Variants in ALX4 observed in about 807,000 individuals in gnomAD.
The protein encoded by ALX4 is ALX homeobox 4, also known as homeobox protein aristaless-like 4.
Under a neutral mutation model 40.6 loss-of-function variants are expected in ALX4, and 22 were observed. That is an observed-to-expected ratio of 0.54 (90% confidence interval 0.39 to 0.77). ALX4 has a LOEUF of 0.77. ALX4 is among the 30% of genes least tolerant of loss of function. The pLI, the probability that ALX4 is intolerant of heterozygous loss-of-function variation, is 0.00. For synonymous variants in ALX4, 266 were observed against 240.5 expected (o/e 1.11, Z -0.98); for missense variants, 556 against 564.8 (o/e 0.98, Z 0.16).
At position 44,264,802 on chromosome 11, in the gene ALX4, C is replaced by T; in HGVS notation, c.*52G>A. On this transcript the variant is annotated 3_prime_UTR_variant, in exon 4 of 4. Transcript: ENST00000652299. Reference sequence around the variant, plus strand: ...AGTGGGAGGCTGGGGGCCTGGAAAACATGGGCGTGGCCCATGGTGTCCCGA... The same window carrying T: ...AGTGGGAGGCTGGGGGCCTGGAAAATATGGGCGTGGCCCATGGTGTCCCGA... The T allele has an allele frequency of 1.3e-6, 2 of 1,597,552 alleles. No homozygotes were observed. Among genetic ancestry groups the T allele is most frequent in the African/African-American group, 1.3e-5 (1 of 74,758 alleles).
chr11:44,291,875 T>C (rs1244285949), intron 1 of ALX4, among the ~76,000 whole-genome samples: 1 of 152,024 alleles, frequency 6.6e-6, no homozygotes, highest in African/African-American at 2.4e-5. Context: ...CTGGAGTGCA[T>C]TGATGCCATC....
intron 1 of ALX4, among the ~76,000 whole-genome samples, chr11:44,291,410 C>CTTTTT (rs1565006737): frequency 1.4e-5 from 1 of 69,250 alleles, no homozygotes; most frequent in Non-Finnish European, 3.3e-5. Context: ...TTCTTTCTTT[C>CTTTTT]TTTCTTTCTT....
intron 1 of ALX4, among the ~76,000 whole-genome samples, chr11:44,278,608 C>T (rs1165545931): frequency 1.3e-5 from 2 of 152,184 alleles, no homozygotes; most frequent in African/African-American, 4.8e-5. Flanking sequence ...CTCCAGCTGC[C>T]CACTGAGACC....
chr11:44,294,533 G>T (rs1203580227), intron 1 of ALX4, among the ~76,000 whole-genome samples: 1 of 152,190 alleles, frequency 6.6e-6, no homozygotes, highest in Non-Finnish European at 1.5e-5. Context: ...GAGGGGCCTG[G>T]GTGGCCTTTG....
chr11:44,304,001 C>T (rs534966361), intron 1 of ALX4, among the ~76,000 whole-genome samples: 2 of 152,196 alleles, frequency 1.3e-5, no homozygotes, highest in African/African-American at 4.8e-5. Flanking sequence ...GAGAAGACCC[C>T]GGTTGCAGCT....
At chr11:44,268,927 C>T (rs995420331) in intron 2 of ALX4, among the ~76,000 whole-genome samples, 96 of 152,246 alleles carry the variant, frequency 6.3e-4, no homozygotes, top group Non-Finnish European at 3.7e-4. Flanking sequence ...GCCTCAGCTG[C>T]AGAGCCATAA....
chr11:44,277,922 C>T (rs897224115), intron 1 of ALX4, among the ~76,000 whole-genome samples: 1 of 152,132 alleles, frequency 6.6e-6, no homozygotes, highest in African/African-American at 2.4e-5. Flanking sequence ...TCAGTGACAA[C>T]ATTCTGCAAA....
chr11:44,305,974 C>T (rs998569382), intron 1 of ALX4, among the ~76,000 whole-genome samples: 3 of 152,220 alleles, frequency 2.0e-5, no homozygotes, highest in East Asian at 1.9e-4. Context: ...GGCGAGGCGC[C>T]GGAGTCCCTG....
Position 44,267,449 on chromosome 11 carries a change from A to G in ALX4, c.906+45T>C, listed in dbSNP as rs574608293. The G allele has an allele frequency of 1.4e-5, 22 of 1,610,660 alleles. No homozygotes were observed. In the South Asian group the frequency reaches 2.0e-4, roughly 14 times the overall value. ...CCTCCAAGGGGCTCATTCTCAGAGC[A>G]CCAGGGGCTGGGGATCGGTGGCGGC... On this transcript the variant is annotated intron_variant, in intron 3 of 3. Transcript: ENST00000652299.
intron 1 of ALX4, among the ~76,000 whole-genome samples, chr11:44,306,523 A>T (rs1956469578): frequency 6.6e-6 from 1 of 152,256 alleles, no homozygotes. Context: ...CACACGTGAA[A>T]GAACAGCTTT....
intron 1 of ALX4, among the ~76,000 whole-genome samples, chr11:44,291,110 C>T (rs556506773): frequency 4.1e-4 from 63 of 152,310 alleles, no homozygotes; most frequent in African/African-American, 1.5e-3. Context: ...TCAAAAGTAG[C>T]TCCCAGGGTC....
At position 44,260,604 on chromosome 11, in the gene ALX4, A is replaced by G. The variant is rs1290880190; in HGVS notation, c.*4250T>C. 6.6e-6 allele frequency: 1 copy of G among 152,198 alleles called. No homozygotes were observed. Among genetic ancestry groups the G allele is most frequent in the Non-Finnish European group, 1.5e-5 (1 of 68,048 alleles). The allele number at this position is 152,198 out of a possible 1,614,324, so 9.4% of individuals were successfully genotyped here. On this transcript the variant is annotated 3_prime_UTR_variant, in exon 4 of 4. Transcript: ENST00000652299. ...CCATCCGTGTTCCTCCTCTCCCAAA[A>G]AAGATGTAAGTGCAATAACTTACTT... is the stretch of plus-strand genomic sequence containing the variant.
intron 1 of ALX4, among the ~76,000 whole-genome samples, chr11:44,301,898 C>T (rs556573513): frequency 6.6e-6 from 1 of 152,344 alleles, no homozygotes; most frequent in East Asian, 1.9e-4. Flanking sequence ...TATTCCAGAG[C>T]TGGTGGCTTG....
intron 1 of ALX4, among the ~76,000 whole-genome samples, chr11:44,298,316 G>T (rs563114997): frequency 3.2e-4 from 49 of 152,310 alleles, no homozygotes; most frequent in Non-Finnish European, 5.0e-4. Flanking sequence ...GGAATCATGG[G>T]TGTGCTGGGA....
At chr11:44,270,501 TCCCC>T (rs1956239602) in intron 2 of ALX4, among the ~76,000 whole-genome samples, 1 of 151,968 alleles carries the variant, frequency 6.6e-6, no homozygotes, top group Non-Finnish European at 1.5e-5. Flanking sequence ...CTCAATATCC[TCCCC>T]AGTAAATTGG....
chr11:44,291,440 G>T (rs1956368717), intron 1 of ALX4, among the ~76,000 whole-genome samples: 2 of 149,786 alleles, frequency 1.3e-5, no homozygotes, highest in African/African-American at 4.9e-5. Context: ...ACAGGGTCTT[G>T]CTCTGCTGCC....
chr11:44,299,507 C>T (rs375520812), intron 1 of ALX4, among the ~76,000 whole-genome samples: 6 of 152,050 alleles, frequency 3.9e-5, no homozygotes, highest in Non-Finnish European at 5.9e-5. Flanking sequence ...ACTACAGGCG[C>T]CCGCCACCAC....
rs376675326 is a variant in ALX4 at position 44,264,941 on chromosome 11, G to A, written c.1149C>T (p.Asn383=). 1.4e-4 allele frequency: 223 copies of A among 1,612,942 alleles called. No homozygotes were observed. Among genetic ancestry groups the A allele is most frequent in the African/African-American group, 2.4e-4 (18 of 74,922 alleles). ...LSPGLNGYEL[N]GEPDRKTSSI... ...TCGAGGTCTTGCGGTCCGGCTCGCC[G>A]TTGAGCTCGTAGCCATTGAGGCCTG... is the stretch of plus-strand genomic sequence containing the variant. Residue 383 remains asparagine (N), a synonymous_variant, in exon 4 of 4, where the codon AAC becomes AAT. Transcript: ENST00000652299.
chr11:44,277,945 G>T (rs12421237), intron 1 of ALX4, among the ~76,000 whole-genome samples: 1 of 152,196 alleles, frequency 6.6e-6, no homozygotes, highest in Middle Eastern at 3.4e-3. Flanking sequence ...GCAGCTGGCA[G>T]CTGGGCCAAG....
Sources: gnomAD v4.1 joint callset for allele counts (sites outside exome capture counted in the v4.1 genomes callset) on GRCh38, gnomAD v4.1.1 for gene constraint, MANE v1.5 for transcripts, NCBI Gene and HGNC (gene_info 2026-07-23, HGNC 2026-07-21) for gene names.